CADM1: variants seen among roughly 807,000 people sequenced by gnomAD.
CADM1 encodes the protein cell adhesion molecule 1.
CADM1 carries 15 observed loss-of-function variants against 53.1 expected under a neutral mutation model. That is an observed-to-expected ratio of 0.28 (90% confidence interval 0.19 to 0.44). The LOEUF is 0.44. Ranked by LOEUF, CADM1 falls within the 20% of genes least tolerant of loss-of-function variation. The pLI, the probability that CADM1 is intolerant of heterozygous loss-of-function variation, is 1.00. For missense variants in CADM1, 434 were observed against 611.3 expected (o/e 0.71, Z 3.06); for synonymous variants, 281 against 243.0 (o/e 1.16, Z -1.45).
intron 1 of CADM1, among the ~76,000 whole-genome samples, chr11:115,496,030 G>A (rs1051935785): frequency 1.3e-5 from 2 of 152,090 alleles, no homozygotes; most frequent in Non-Finnish European, 2.9e-5. Context: ...CTTGTAATTT[G>A]TTTAGTCAAT....
chr11:115,481,893 T>C (rs1458833003), intron 1 of CADM1, among the ~76,000 whole-genome samples: 1 of 152,186 alleles, frequency 6.6e-6, no homozygotes, highest in Admixed American at 6.5e-5. Context: ...CCTGAGTCTC[T>C]AATCCTCCAG....
intron 1 of CADM1, among the ~76,000 whole-genome samples, chr11:115,479,770 C>T (rs1949218317): frequency 6.6e-6 from 1 of 152,200 alleles, no homozygotes; most frequent in South Asian, 2.1e-4. Context: ...CCTACCAAAT[C>T]TGTGTTTATC....
chr11:115,370,332 T>C (rs965306674), intron 1 of CADM1, among the ~76,000 whole-genome samples: 11 of 152,192 alleles, frequency 7.2e-5, no homozygotes, highest in African/African-American at 2.4e-4. Context: ...TGGCTGCTGA[T>C]ATACACCAAA....
chr11:115,417,269 A>T (rs1023698537), intron 1 of CADM1, among the ~76,000 whole-genome samples: 3 of 152,194 alleles, frequency 2.0e-5, no homozygotes, highest in African/African-American at 7.2e-5. Context: ...TGAATCATGC[A>T]TTACATGACT....
intron 1 of CADM1, among the ~76,000 whole-genome samples, chr11:115,453,523 G>A (rs926981143): frequency 3.3e-5 from 5 of 152,140 alleles, no homozygotes; most frequent in African/African-American, 1.2e-4. Context: ...TTTTGAGACA[G>A]AGTCTTGCTC....
At chr11:115,244,116 T>C (rs1444106478) in intron 1 of CADM1, among the ~76,000 whole-genome samples, 2 of 152,220 alleles carry the variant, frequency 1.3e-5, no homozygotes, top group African/African-American at 4.8e-5. Context: ...GAGAGTCCCA[T>C]TCGCTTACAA....
intron 1 of CADM1, among the ~76,000 whole-genome samples, chr11:115,259,255 G>A (rs1483083159): frequency 6.9e-6 from 1 of 144,394 alleles, no homozygotes; most frequent in African/African-American, 2.6e-5. Flanking sequence ...CAAAGTGCTG[G>A]AATTACAGGC....
chr11:115,438,017 G>A (rs1005771787), intron 1 of CADM1, among the ~76,000 whole-genome samples: 4 of 152,172 alleles, frequency 2.6e-5, no homozygotes, highest in African/African-American at 4.8e-5. Flanking sequence ...ATTGCTGAGC[G>A]AATGTATTTT....
chr11:115,469,347 C>A (rs1278478264), intron 1 of CADM1, among the ~76,000 whole-genome samples: 1 of 152,180 alleles, frequency 6.6e-6, no homozygotes, highest in African/African-American at 2.4e-5. Flanking sequence ...TTTAATACAA[C>A]AACTCTATGA....
intron 1 of CADM1, among the ~76,000 whole-genome samples, chr11:115,297,191 A>C (rs920656484): frequency 2.0e-5 from 3 of 152,206 alleles, no homozygotes; most frequent in Admixed American, 1.3e-4. Context: ...GTTTATTAGA[A>C]AGCTCTCAGT....
intron 1 of CADM1, among the ~76,000 whole-genome samples, chr11:115,287,228 A>G (rs1169274606): frequency 6.6e-6 from 1 of 152,246 alleles, no homozygotes; most frequent in African/African-American, 2.4e-5. Context: ...CTGATATTCT[A>G]CAGCACTGAA....
intron 1 of CADM1, among the ~76,000 whole-genome samples, chr11:115,249,479 T>C (rs1433240939): frequency 6.6e-6 from 1 of 152,242 alleles, no homozygotes; most frequent in Admixed American, 6.5e-5. Context: ...TCTGGGATAA[T>C]AGGAAGCGAC....
At chr11:115,259,277 C>T (rs1351180870) in intron 1 of CADM1, among the ~76,000 whole-genome samples, 2 of 148,872 alleles carry the variant, frequency 1.3e-5, no homozygotes, top group Non-Finnish European at 3.0e-5. Flanking sequence ...TGCGCCACCG[C>T]ACCCAGTCTT....
intron 1 of CADM1, among the ~76,000 whole-genome samples, chr11:115,434,723 T>A (rs1017180738): frequency 6.6e-6 from 1 of 152,144 alleles, no homozygotes; most frequent in Non-Finnish European, 1.5e-5. Context: ...CCCTTGCCAC[T>A]CTTCAGGCCA....
chr11:115,449,369 C>T (rs1948521879), intron 1 of CADM1, among the ~76,000 whole-genome samples: 1 of 152,222 alleles, frequency 6.6e-6, no homozygotes, highest in South Asian at 2.1e-4. Flanking sequence ...AACTTGTCAG[C>T]ATTTTCAGCT....
intron 1 of CADM1, among the ~76,000 whole-genome samples, chr11:115,313,445 T>G (rs1413699492): frequency 6.6e-6 from 1 of 152,158 alleles, no homozygotes; most frequent in Non-Finnish European, 1.5e-5. Flanking sequence ...GTACAATTTA[T>G]AAATAGCTTG....
At chr11:115,462,617 A>T (rs750488619) in intron 1 of CADM1, among the ~76,000 whole-genome samples, 16 of 152,222 alleles carry the variant, frequency 1.1e-4, no homozygotes, top group Non-Finnish European at 4.4e-5. Flanking sequence ...TTTATTTTTG[A>T]TGTGGAGGAG....
intron 1 of CADM1, among the ~76,000 whole-genome samples, chr11:115,454,820 A>T (rs1948648838): frequency 6.6e-6 from 1 of 152,198 alleles, no homozygotes; most frequent in African/African-American, 2.4e-5. Context: ...AGTCAATTTC[A>T]TCCTAAAAGA....
intron 1 of CADM1, among the ~76,000 whole-genome samples, chr11:115,243,761 G>A (rs946106447): frequency 6.6e-6 from 1 of 152,134 alleles, no homozygotes; most frequent in Non-Finnish European, 1.5e-5. Flanking sequence ...TAGCAGAAGG[G>A]TACAAACAGG....
Sources: gnomAD v4.1 joint callset for allele counts (sites outside exome capture counted in the v4.1 genomes callset) on GRCh38, gnomAD v4.1.1 for gene constraint, MANE v1.5 for transcripts, NCBI Gene and HGNC (gene_info 2026-07-23, HGNC 2026-07-21) for gene names.